GPHN: variants seen among roughly 807,000 people sequenced by gnomAD.
GPHN encodes the protein gephyrin.
In GPHN, 17 loss-of-function variants were observed where a neutral mutation model predicts 95.5. That is an observed-to-expected ratio of 0.18 (90% CI 0.12 to 0.27). The LOEUF (loss-of-function observed/expected upper bound fraction) is 0.27. Among genes scored for constraint, GPHN ranks in the 10% least tolerant of loss-of-function variants. The pLI is 1.00. For missense variants in GPHN, 660 were observed against 978.1 expected, an observed-to-expected ratio of 0.67 and a Z score of 4.34; for synonymous variants, 320 against 322.5, an observed-to-expected ratio of 0.99 and a Z score of 0.08.
chr14:67,385,710 C>T, the GPHN span: 4 of 137,072 alleles, frequency 2.9e-5, no homozygotes, highest in African/African-American at 1.1e-4. Context: ...GGGCAGGTCT[C>T]GAAATCCTGG....
the GPHN span, among the ~76,000 whole-genome samples, chr14:67,309,319 A>G: frequency 6.6e-6 from 1 of 152,214 alleles, no homozygotes; most frequent in Non-Finnish European, 1.5e-5. Context: ...GATAAAAGTC[A>G]TATAGTATCT....
chr14:66,612,468 A>T (rs938659738), intron 1 of GPHN, among the ~76,000 whole-genome samples: 2 of 151,998 alleles, frequency 1.3e-5, no homozygotes, highest in Admixed American at 1.3e-4. Context: ...TTATAGTATG[A>T]TGTATCACCA....
Position 66,599,389 on chromosome 14 carries a change from TGCA to T in GPHN, c.65-81717_65-81715del, listed in dbSNP as rs372264686. ...TGTTCTCTGATTTTACATTTTTTTT[TGCA>T]TTTTTTTTTTTTTTTTGCTAGATGC... On this transcript the variant is annotated intron_variant, in intron 1 of 22. Coordinates refer to ENST00000478722, the MANE Select transcript of GPHN (RefSeq NM_020806.5). Among the ~76,000 whole-genome samples, 253 of 115,842 alleles carry T rather than the reference TGCA, an allele frequency of 2.2e-3. 1 individual carries two copies. Among genetic ancestry groups the T allele is most frequent in the African/African-American group, 0.01 (205 of 20,360 alleles). The allele number at this position is 115,842 out of a possible 152,430, so 76.0% of individuals were successfully genotyped here. A position where few individuals can be genotyped will look rare whatever the true frequency, so the allele number is the denominator to read the frequency against.
At chr14:66,897,159 C>G (rs1275896949) in intron 5 of GPHN, among the ~76,000 whole-genome samples, 1 of 152,058 alleles carries the variant, frequency 6.6e-6, no homozygotes. Context: ...TAACATCTTA[C>G]AAAACTATAG....
At chr14:67,705,746 A>AT in the GPHN span, among the ~76,000 whole-genome samples, 1 of 152,294 alleles carries the variant, frequency 6.6e-6, no homozygotes, top group Admixed American at 6.5e-5. Flanking sequence ...TATTTTTGCA[A>AT]TTTTTTGTAA....
chr14:67,075,628 A>T (rs936211381), intron 11 of GPHN, among the ~76,000 whole-genome samples: 15 of 152,200 alleles, frequency 9.9e-5, no homozygotes, highest in Admixed American at 3.3e-4. Context: ...GATTCACGGG[A>T]GGAGGTCAAA....
chr14:66,960,271 TTTTTC>T (rs1225116361), intron 8 of GPHN, among the ~76,000 whole-genome samples: 1 of 131,840 alleles, frequency 7.6e-6, no homozygotes, highest in Non-Finnish European at 1.5e-5. Context: ...GTTCATTTCT[TTTTTC>T]TTTTCTTTTT....
chr14:67,566,735 C>T, the GPHN span, among the ~76,000 whole-genome samples: 1 of 141,862 alleles, frequency 7.0e-6, no homozygotes, highest in African/African-American at 2.7e-5. Flanking sequence ...AGTGACAGAG[C>T]CAGACCCTGT....
chr14:67,600,283 C>T, the GPHN span: 4 of 1,259,380 alleles, frequency 3.2e-6, no homozygotes, highest in South Asian at 1.6e-5. Context: ...GCTCCAGACC[C>T]GCTTCCGGCA....
At chr14:67,647,057 C>A in the GPHN span, 2 of 1,349,526 alleles carry the variant, frequency 1.5e-6, no homozygotes, top group Non-Finnish European at 2.1e-6. Flanking sequence ...CAGGGCAAAC[C>A]CCCAATGGGC....
chr14:67,639,911 C>T, the GPHN span, among the ~76,000 whole-genome samples: 1 of 113,390 alleles, frequency 8.8e-6, no homozygotes, highest in Non-Finnish European at 1.6e-5. Context: ...CATGATAGCG[C>T]AAGACCCTGT....
At chr14:67,041,908 A>G (rs1193994293) in intron 10 of GPHN, among the ~76,000 whole-genome samples, 1 of 151,908 alleles carries the variant, frequency 6.6e-6, no homozygotes, top group African/African-American at 2.4e-5. Flanking sequence ...ATGATCTCCA[A>G]CCTAACTGGT....
At position 66,922,882 on chromosome 14, in the gene GPHN, G is replaced by A. The variant is rs1165617659; in HGVS notation, c.673G>A (p.Ala225Thr). The A allele has an allele frequency of 6.2e-7, 1 of 1,613,080 alleles. No homozygotes were observed. The highest frequency in any genetic ancestry group is 8.5e-7 in the Non-Finnish European group (1 of 1,179,462). Residue 225 changes from alanine (A) to threonine (T), a missense_variant, in exon 7 of 23, where the codon GCT (alanine) becomes ACT (threonine). Coordinates refer to ENST00000478722, the MANE Select transcript of GPHN (RefSeq NM_020806.5). ...EEEEKKDSGV[A>T]STEDSSSSHI... ...AGAAGAGAAGAAAGACAGTGGTGTT[G>A]CTTCAACAGAAGATAGTTCCTCATC...
At chr14:67,327,186 AT>A in the GPHN span, among the ~76,000 whole-genome samples, 1 of 151,998 alleles carries the variant, frequency 6.6e-6, no homozygotes, top group Non-Finnish European at 1.5e-5. Context: ...AAAAGAAAAA[AT>A]TTTTTTTGAG....
At chr14:67,632,086 A>C in the GPHN span, among the ~76,000 whole-genome samples, 61,533 of 151,726 alleles carry the variant, frequency 0.41, 15,071 homozygotes, top group African/African-American at 0.69. Flanking sequence ...AGGTCTCACT[A>C]TGCTGCCCCA....
the GPHN span, among the ~76,000 whole-genome samples, chr14:67,331,837 C>G: frequency 6.6e-6 from 1 of 152,038 alleles, no homozygotes; most frequent in African/African-American, 2.4e-5. Flanking sequence ...TAAGTTTTAG[C>G]AAAAATGTCA....
At chr14:67,500,966 G>A in the GPHN span, among the ~76,000 whole-genome samples, 2 of 151,556 alleles carry the variant, frequency 1.3e-5, no homozygotes, top group Non-Finnish European at 2.9e-5. Context: ...TCTTCCAGAT[G>A]AAAGTAGAAG....
intron 4 of GPHN, among the ~76,000 whole-genome samples, chr14:66,834,213 C>T (rs1419184775): frequency 6.6e-6 from 1 of 152,058 alleles, no homozygotes; most frequent in African/African-American, 2.4e-5. Flanking sequence ...TCCTTAAGTC[C>T]ACTTACTTAT....
chr14:67,601,774 T>C, the GPHN span, among the ~76,000 whole-genome samples: 2 of 152,008 alleles, frequency 1.3e-5, no homozygotes, highest in East Asian at 3.9e-4. Context: ...TGGTGGAGCA[T>C]GCCTGTAATC....
Sources: gnomAD v4.1 joint callset for allele counts (sites outside exome capture counted in the v4.1 genomes callset) on GRCh38, gnomAD v4.1.1 for gene constraint, MANE v1.5 for transcripts, NCBI Gene and HGNC (gene_info 2026-07-23, HGNC 2026-07-21) for gene names.